ANKFN1: variants seen among roughly 807,000 people sequenced by gnomAD.
ANKFN1 encodes ankyrin repeat and fibronectin type III domain containing 1, also known as ankyrin repeat and fibronectin type-III domain-containing protein 1.
In ANKFN1, 74 loss-of-function variants were observed where a neutral mutation model predicts 108.7. That is an observed-to-expected ratio of 0.68 (90% CI 0.56 to 0.83). ANKFN1 has a LOEUF of 0.83. Among genes scored for constraint, ANKFN1 ranks in the 40% least tolerant of loss-of-function variants. ANKFN1 has a pLI of 0.00. For missense variants in ANKFN1, 1,505 were observed against 1,382.3 expected (o/e 1.09, Z -1.41); for synonymous variants, 547 against 516.2 (o/e 1.06, Z -0.81).
chr17:56,098,153 C>A (rs1905568385), intron 4 of ANKFN1, among the ~76,000 whole-genome samples: 1 of 151,940 alleles, frequency 6.6e-6, no homozygotes, highest in South Asian at 2.1e-4. Context: ...CTGACAGCTG[C>A]CAGAAGCTGG....
In ANKFN1 at chr17:56,514,090, G is replaced by C. The variant is rs936945173; in HGVS notation, c.*2821G>C. ...TGTTTTGTTTAATTTTGGATACAAT[G>C]GATTTTTGTCTTTCACTCTTTTTTT... On this transcript the variant is annotated 3_prime_UTR_variant, in exon 21 of 21. Coordinates refer to ENST00000682825, the MANE Select transcript of ANKFN1 (RefSeq NM_001370326.1). Among the ~76,000 whole-genome samples, 2 of 152,112 alleles carry C rather than the reference G, an allele frequency of 1.3e-5. No individual in the cohort carries two copies. The highest frequency in any genetic ancestry group is 1.3e-4 in the Admixed American group (2 of 15,272).
chr17:56,251,748 A>G (rs188069688), intron 3 of ANKFN1, among the ~76,000 whole-genome samples: 1 of 152,302 alleles, frequency 6.6e-6, no homozygotes, highest in East Asian at 1.9e-4. Context: ...GCTAACATGG[A>G]AATGCATGTT....
chr17:56,440,241 G>A, intron 8 of ANKFN1, 86 bp from the exon 9 acceptor site: 1 of 736,570 alleles, frequency 1.4e-6, no homozygotes, highest in Admixed American at 2.3e-5. Context: ...GGGATTGTAT[G>A]CTAGAGTTTC....
At chr17:56,467,834 GAA>G (rs1568026725) in intron 15 of ANKFN1, among the ~76,000 whole-genome samples, 1 of 60,294 alleles carries the variant, frequency 1.7e-5, no homozygotes, top group Non-Finnish European at 3.1e-5. Flanking sequence ...AAGAAAGAAA[GAA>G]AGAAAGAAAG....
At chr17:56,252,362 A>G (rs934981169) in intron 3 of ANKFN1, 2 of 152,218 alleles carry the variant, frequency 1.3e-5, no homozygotes, top group South Asian at 4.1e-4. Flanking sequence ...CTGCAACATA[A>G]TTATTTAAAT....
rs376993824 is a variant in ANKFN1 at position 56,064,365 on chromosome 17, G to A, written c.288+18040G>A. The stretch of plus-strand genomic sequence containing the variant: ...AGTGTGCTGGTCTGCGGAGACTGCG[G>A]CCACCACTCCCGCTAGGGGCTCAGG... On this transcript the variant is annotated intron_variant, in intron 4 of 12. Coordinates refer to the ANKFN1 transcript ENST00000635860. 2.9e-4 allele frequency among the ~76,000 whole-genome samples: 44 copies of A among 152,334 alleles called. No individual in the cohort carries two copies. The East Asian group carries it at 7.1e-3, about 25-fold the overall frequency.
intron 4 of ANKFN1, among the ~76,000 whole-genome samples, chr17:56,346,606 A>C (rs2046107025): frequency 6.6e-6 from 1 of 151,992 alleles, no homozygotes; most frequent in South Asian, 2.1e-4. Flanking sequence ...GGATTGCTGC[A>C]AGCCTTTGGT....
intron 6 of ANKFN1, among the ~76,000 whole-genome samples, chr17:56,359,352 T>TA (rs1034931816): frequency 2.0e-5 from 3 of 152,226 alleles, no homozygotes; most frequent in Non-Finnish European, 4.4e-5. Flanking sequence ...CAGACATTGT[T>TA]ACAGAATTTG....
intron 1 of ANKFN1, among the ~76,000 whole-genome samples, chr17:56,164,079 C>G (rs750685408): frequency 6.6e-6 from 1 of 152,160 alleles, no homozygotes; most frequent in Non-Finnish European, 1.5e-5. Flanking sequence ...ACCCCCAAGG[C>G]CTCTCATGAT....
At chr17:56,055,079 T>G (rs539285724) in intron 4 of ANKFN1, among the ~76,000 whole-genome samples, 4 of 152,004 alleles carry the variant, frequency 2.6e-5, no homozygotes, top group Admixed American at 2.6e-4. Flanking sequence ...CCTCTGATTT[T>G]CTTTGATTCA....
chr17:56,469,387 T>A (rs772238983), intron 15 of ANKFN1, among the ~76,000 whole-genome samples: 9 of 152,066 alleles, frequency 5.9e-5, no homozygotes, highest in African/African-American at 9.7e-5. Flanking sequence ...CAACTCAACA[T>A]AAAGGGAGAG....
chr17:56,285,835 AAT>A (rs2044200733), intron 3 of ANKFN1, among the ~76,000 whole-genome samples: 12 of 150,142 alleles, frequency 8.0e-5, no homozygotes, highest in African/African-American at 2.9e-4. Flanking sequence ...CCTGTCAGAC[AAT>A]GATGATGATG....
chr17:56,463,242 A>G (rs1568021881), intron 14 of ANKFN1, among the ~76,000 whole-genome samples: 1 of 152,214 alleles, frequency 6.6e-6, no homozygotes, highest in Non-Finnish European at 1.5e-5. Flanking sequence ...CTTTTAACAG[A>G]TCATAACACT....
intron 8 of ANKFN1, among the ~76,000 whole-genome samples, chr17:56,425,624 C>A (rs1041484017): frequency 2.6e-5 from 4 of 152,220 alleles, no homozygotes; most frequent in African/African-American, 9.6e-5. Flanking sequence ...AATTCCCCGA[C>A]CACACCATGA....
At chr17:56,441,634 A>G (rs1324137824) in intron 9 of ANKFN1, among the ~76,000 whole-genome samples, 2 of 151,902 alleles carry the variant, frequency 1.3e-5, no homozygotes, top group East Asian at 3.9e-4. Context: ...AAAAAGTGAT[A>G]TGTGATAAAA....
intron 3 of ANKFN1, among the ~76,000 whole-genome samples, chr17:56,270,351 G>A (rs1161101252): frequency 1.3e-5 from 2 of 152,250 alleles, no homozygotes; most frequent in Non-Finnish European, 2.9e-5. Context: ...CAAGGCTGCA[G>A]ACTTGAGGGA....
chr17:56,049,669 A>G (rs1192116991), intron 4 of ANKFN1, among the ~76,000 whole-genome samples: 8 of 148,672 alleles, frequency 5.4e-5, no homozygotes, highest in African/African-American at 1.8e-4. Context: ...GCGATAGTTT[A>G]CCGAGAATGA....
Position 56,372,935 on chromosome 17 carries a change from C to T in ANKFN1, c.796+95C>T, listed in dbSNP as rs183259152. On this transcript the variant is annotated intron_variant, in intron 7 of 20. Coordinates refer to ENST00000682825, the MANE Select transcript of ANKFN1 (RefSeq NM_001370326.1). ...TTACAGATTTTTTTTTTCAGCTCTA[C>T]AGAGTCATGGATGGCCGTTGTCAGC... 197 of 1,291,496 alleles carry T rather than the reference C, an allele frequency of 1.5e-4. 2 individuals are homozygous for T. The East Asian group carries it at 4.5e-3, about 30-fold the overall frequency. The allele number at this position is 1,291,496 out of a possible 1,614,324, so 80.0% of individuals were successfully genotyped here.
chr17:56,257,995 A>T (rs967773484), intron 3 of ANKFN1: 3 of 152,202 alleles, frequency 2.0e-5, no homozygotes, highest in African/African-American at 7.2e-5. Context: ...AGATCTCGAC[A>T]CTAACACCAG....
Sources: gnomAD v4.1 joint callset for allele counts (sites outside exome capture counted in the v4.1 genomes callset) on GRCh38, gnomAD v4.1.1 for gene constraint, MANE v1.5 for transcripts, NCBI Gene and HGNC (gene_info 2026-07-23, HGNC 2026-07-21) for gene names.